PIK3CA: variants seen among roughly 807,000 people sequenced by gnomAD.
The protein encoded by PIK3CA is phosphatidylinositol-4,5-bisphosphate 3-kinase catalytic subunit alpha, also known as phosphatidylinositol 4,5-bisphosphate 3-kinase catalytic subunit alpha isoform.
Under a neutral mutation model 138.2 loss-of-function variants are expected in PIK3CA, and 27 were observed. That is an observed-to-expected ratio of 0.20 (90% CI 0.14 to 0.27). PIK3CA has a LOEUF of 0.27. Ranked by LOEUF, PIK3CA falls within the 10% of genes least tolerant of loss-of-function variation. The probability of loss-of-function intolerance (pLI) is 1.00; values close to 1 mark genes in which losing one functional copy is unlikely to be tolerated. For missense variants in PIK3CA, 544 were observed against 1,277.4 expected, an observed-to-expected ratio of 0.43 and a Z score of 8.75; for synonymous variants, 358 against 413.2, an observed-to-expected ratio of 0.87 and a Z score of 1.62.
intron 1 of PIK3CA, among the ~76,000 whole-genome samples, chr3:179,167,124 G>A (rs985617267): frequency 3.3e-5 from 5 of 152,060 alleles, no homozygotes; most frequent in African/African-American, 1.2e-4. Flanking sequence ...TGCCTCAGAA[G>A]ATTTTTATAA....
intron 1 of PIK3CA, among the ~76,000 whole-genome samples, chr3:179,148,824 CCTT>C (rs1245103540): frequency 6.6e-6 from 1 of 152,170 alleles, no homozygotes; most frequent in East Asian, 1.9e-4. Flanking sequence ...CGCTCCCTCT[CCTT>C]TCTCTCTGGC....
intron 1 of PIK3CA, among the ~76,000 whole-genome samples, chr3:179,185,349 G>A (rs555637839): frequency 1.3e-5 from 2 of 152,306 alleles, no homozygotes; most frequent in African/African-American, 4.8e-5. Flanking sequence ...TCTAGATTCT[G>A]TAGAAATAAA....
chr3:179,155,379 T>C (rs1723108818), intron 1 of PIK3CA, among the ~76,000 whole-genome samples: 1 of 152,234 alleles, frequency 6.6e-6, no homozygotes, highest in African/African-American at 2.4e-5. Flanking sequence ...GAAAAGCAGG[T>C]AAATTGCTGT....
At chr3:179,194,334 C>T (rs558015473) in intron 1 of PIK3CA, among the ~76,000 whole-genome samples, 2 of 152,194 alleles carry the variant, frequency 1.3e-5, no homozygotes, top group South Asian at 4.1e-4. Context: ...AATGATCCTC[C>T]CACCTCAGCC....
intron 2 of PIK3CA, 122 bp from the exon 3 acceptor site, chr3:179,199,568 A>C (rs961717825): frequency 1.6e-6 from 1 of 643,466 alleles, no homozygotes; most frequent in Non-Finnish European, 2.6e-6. Flanking sequence ...GTTTTAACCT[A>C]GCGGTACTTT....
chr3:179,218,170 T>C (rs1348759298), intron 9 of PIK3CA, 40 bp from the exon 10 acceptor site: 2 of 1,422,242 alleles, frequency 1.4e-6, no homozygotes, highest in East Asian at 2.5e-5. Flanking sequence ...GGGAAAAATA[T>C]GACAAAGAAA....
At chr3:179,199,518 G>A (rs1425848480) in intron 2 of PIK3CA, among the ~76,000 whole-genome samples, 172 bp from the exon 3 acceptor site, 1 of 151,778 alleles carries the variant, frequency 6.6e-6, no homozygotes, top group East Asian at 1.9e-4. Context: ...AAATATTCAG[G>A]ACTGTCAACT....
Position 179,175,358 on chromosome 3 carries a change from A to G in PIK3CA, c.-76-23392A>G, listed in dbSNP as rs1269853081. ...CAATTTTGCTAGAGTTCTAAGTGCC[A>G]CTCTGTTTCCTGATTTTTTATTTAT... On this transcript the variant is annotated intron_variant, in intron 1 of 20. Coordinates refer to ENST00000263967, the MANE Select transcript of PIK3CA (RefSeq NM_006218.4). 5.9e-5 allele frequency among the ~76,000 whole-genome samples: 9 copies of G among 152,000 alleles called. No individual in the cohort carries two copies. The East Asian group carries it at 1.5e-3, about 26-fold the overall frequency.
chr3:179,230,528 G>A lies in PIK3CA; in HGVS notation c.2936+152G>A. On this transcript the variant is annotated intron_variant, in intron 20 of 20. Coordinates refer to ENST00000263967, the MANE Select transcript of PIK3CA (RefSeq NM_006218.4). The surrounding 1 kb of genome is among the most constrained non-coding windows in gnomAD (Gnocchi z 5.4). ...CCAACTCTTTGGGAGGCCGAGGCTG[G>A]AGGATCACTTGAGCTCAGGAATTGA... 2 of 648,544 alleles carry A rather than the reference G, an allele frequency of 3.1e-6. No homozygotes were observed. The highest frequency in any genetic ancestry group is 5.2e-6 in the Non-Finnish European group (2 of 383,560). 40.2% of individuals were successfully genotyped at this position (648,544 alleles called of 1,614,324 possible). A position where few individuals can be genotyped will look rare whatever the true frequency, so the allele number is the denominator to read the frequency against.
chr3:179,204,894 A>G (rs7650873), intron 6 of PIK3CA, among the ~76,000 whole-genome samples: 86,562 of 151,114 alleles, frequency 0.57, 25,995 homozygotes, highest in African/African-American at 0.76. Flanking sequence ...GGTGGCGGGC[A>G]CCTGTAATCC....
At chr3:179,170,077 C>CAT (rs1491285891) in intron 1 of PIK3CA, among the ~76,000 whole-genome samples, 2 of 35,410 alleles carry the variant, frequency 5.6e-5, no homozygotes, top group Non-Finnish European at 1.5e-4. Flanking sequence ...CGCGCGCGCG[C>CAT]ACACACACAC....
At chr3:179,193,596 T>C (rs1334822751) in intron 1 of PIK3CA, among the ~76,000 whole-genome samples, 1 of 152,246 alleles carries the variant, frequency 6.6e-6, no homozygotes, top group African/African-American at 2.4e-5. Flanking sequence ...GTGCTTGTAA[T>C]GAGGACTATA....
chr3:179,167,597 CT>C (rs1007089011), intron 1 of PIK3CA, among the ~76,000 whole-genome samples: 3 of 152,106 alleles, frequency 2.0e-5, no homozygotes, highest in African/African-American at 7.2e-5. Context: ...AATCCTCTTT[CT>C]TTTTAACTAT....
chr3:179,239,299 T>C lies in PIK3CA; in HGVS notation c.*4935T>C, dbSNP rs1307356284. 4.9e-6 allele frequency: 1 copy of C among 203,004 alleles called. No homozygotes were observed. Among genetic ancestry groups the C allele is most frequent in the Non-Finnish European group, 1.0e-5 (1 of 98,848 alleles). 12.6% of individuals were successfully genotyped at this position (203,004 alleles called of 1,614,324 possible). A position where few individuals can be genotyped will look rare whatever the true frequency, so the allele number is the denominator to read the frequency against. On this transcript the variant is annotated 3_prime_UTR_variant, in exon 21 of 21. Transcript: ENST00000263967. The stretch of plus-strand genomic sequence containing the variant: ...TTGTGGTTATGCTAAGAACCATGTA[T>C]ACTTTTAGGTATTCTTATTTTTGTC...
At chr3:179,217,773 A>G (rs1399445094) in intron 9 of PIK3CA, among the ~76,000 whole-genome samples, 1 of 152,072 alleles carries the variant, frequency 6.6e-6, no homozygotes, top group East Asian at 1.9e-4. Context: ...TGCAGGGATC[A>G]TAAGGATCTG....
chr3:179,230,931 T>C lies in PIK3CA; in HGVS notation c.2936+555T>C, dbSNP rs1261699035. 6.6e-6 allele frequency among the ~76,000 whole-genome samples: 1 copy of C among 152,162 alleles called. No individual in the cohort carries two copies. The highest frequency in any genetic ancestry group is 1.5e-5 in the Non-Finnish European group (1 of 68,018). On this transcript the variant is annotated intron_variant, in intron 20 of 20. Coordinates refer to ENST00000263967, the MANE Select transcript of PIK3CA (RefSeq NM_006218.4). This position sits in a 1 kb window ranked among gnomAD's most constrained non-coding sequence, Gnocchi z 5.4. Reference sequence around the variant, plus strand: ...TTTAGCGCACCTGTAACCCAAGTAGTGTGCTTTGCCCCCAGTATATACTTT... The same window carrying C: ...TTTAGCGCACCTGTAACCCAAGTAGCGTGCTTTGCCCCCAGTATATACTTT...
At chr3:179,151,439 A>C (rs1723011809) in intron 1 of PIK3CA, among the ~76,000 whole-genome samples, 1 of 152,200 alleles carries the variant, frequency 6.6e-6, no homozygotes, top group Non-Finnish European at 1.5e-5. Flanking sequence ...ATCTTTATTT[A>C]ATTTCCTTTA....
Position 179,198,931 on chromosome 3 carries a change from T to C in PIK3CA, c.106T>C (p.Cys36Arg), listed in dbSNP as rs777956032. 1 of 1,612,044 alleles carries C rather than the reference T, an allele frequency of 6.2e-7. No individual in the cohort carries two copies. The highest frequency in any genetic ancestry group is 1.1e-5 in the South Asian group (1 of 90,704). ...LPNGMIVTLE[C>R]LREATLITIK... The stretch of plus-strand genomic sequence containing the variant: ...AAATGGAATGATAGTGACTTTAGAA[T>C]GCCTCCGTGAGGCTACATTAATAAC... The change falls in exon 2 of 21, where the codon TGC becomes CGC. Residue 36 changes from cysteine to arginine, a missense_variant. Physicochemically the swap from Cys to Arg is radical, Grantham distance 180. Around this residue, in one of 14 missense-constraint regions of PIK3CA, gnomAD observed 47 missense variants for 84.0 expected, o/e 0.56. Coordinates refer to ENST00000263967, the MANE Select transcript of PIK3CA (RefSeq NM_006218.4).
intron 1 of PIK3CA, among the ~76,000 whole-genome samples, chr3:179,151,236 C>G (rs755875076): frequency 3.0e-4 from 45 of 152,176 alleles, no homozygotes; most frequent in Admixed American, 8.5e-4. Flanking sequence ...GTATTACTAT[C>G]CCTAAGAAAT....
Sources: gnomAD v4.1 joint callset for allele counts (sites outside exome capture counted in the v4.1 genomes callset) on GRCh38, gnomAD v4.1.1 for gene constraint, gnomAD v4.1.1 regional missense constraint, Gnocchi (gnomAD v3.1) non-coding constraint, MANE v1.5 for transcripts, NCBI Gene and HGNC (gene_info 2026-07-23, HGNC 2026-07-21) for gene names.